Variants in MED13L observed in about 807,000 individuals in gnomAD.
The protein encoded by MED13L is mediator of RNA polymerase II transcription subunit 13-like.
In MED13L, 7 loss-of-function variants were observed where a neutral mutation model predicts 220.9. The observed-to-expected ratio is 0.03, with a 90% CI of 0.02 to 0.06. MED13L has a LOEUF of 0.06. Ranked by LOEUF, MED13L falls within the 10% of genes least tolerant of loss-of-function variation. MED13L has a pLI of 1.00. For synonymous variants in MED13L, 1,011 were observed against 1,015.2 expected (o/e 1.00, Z 0.08); for missense variants, 1,965 against 2,760.5 (o/e 0.71, Z 6.46).
chr12:116,250,764 G>A (rs1366260770), intron 1 of MED13L, among the ~76,000 whole-genome samples: 6 of 131,062 alleles, frequency 4.6e-5, no homozygotes, highest in East Asian at 2.2e-4. Context: ...GTGACAGAGC[G>A]AGACTCCTCC....
At chr12:116,045,378 C>T (rs927155925) in intron 4 of MED13L, among the ~76,000 whole-genome samples, 7 of 152,260 alleles carry the variant, frequency 4.6e-5, no homozygotes. Context: ...ATGCTCAGCT[C>T]CTGTCTGAGC....
chr12:115,972,961 A>C (rs1209556846), intron 25 of MED13L, among the ~76,000 whole-genome samples: 6 of 152,142 alleles, frequency 3.9e-5, no homozygotes, highest in Non-Finnish European at 8.8e-5. Flanking sequence ...ATTCCTATGC[A>C]TCACCCCTGC....
chr12:116,008,178 A>T, intron 10 of MED13L: 1 of 566,354 alleles, frequency 1.8e-6, no homozygotes, highest in East Asian at 2.9e-5. Flanking sequence ...AGTGTACTTA[A>T]ATGGCATAAA....
At position 116,108,272 on chromosome 12, in the gene MED13L, C is replaced by T. The variant is rs191131860; in HGVS notation, c.395+3156G>A. 7.2e-5 allele frequency among the ~76,000 whole-genome samples: 11 copies of T among 151,900 alleles called. No homozygotes were observed. The East Asian group carries it at 1.5e-3, about 21-fold the overall frequency. On this transcript the variant is annotated intron_variant, in intron 3 of 30. Coordinates refer to ENST00000281928, the MANE Select transcript of MED13L (RefSeq NM_015335.5). ...TTGTAAACAGGTTTTTCAAAGACTA[C>T]AACAAATGGTTGTACAGGTATCCAA...
chr12:116,089,217 C>T (rs1240153172), intron 4 of MED13L, among the ~76,000 whole-genome samples: 1 of 152,116 alleles, frequency 6.6e-6, no homozygotes, highest in African/African-American at 2.4e-5. Flanking sequence ...GTAGTGTTCA[C>T]TAAATTCTTT....
chr12:116,185,367 A>G (rs1053587205), intron 2 of MED13L, among the ~76,000 whole-genome samples: 9 of 151,674 alleles, frequency 5.9e-5, no homozygotes, highest in African/African-American at 2.2e-4. Context: ...TTTTTAGTCT[A>G]CATTTCAGAG....
chr12:116,210,551 CTATATATA>C lies in MED13L; in HGVS notation c.310+26909_310+26916del, dbSNP rs3043762. On this transcript the variant is annotated intron_variant, in intron 2 of 30. Transcript: ENST00000281928. ...CCCAAAAGCAACCGCAGAACGTAAC[CTATATATA>C]TATATATATATATATATATATATAT... Among the ~76,000 whole-genome samples the C allele has an allele frequency of 9.3e-3, 1,057 of 113,624 alleles. 15 individuals carry two copies. Among genetic ancestry groups the C allele is most frequent in the African/African-American group, 0.012 (333 of 28,480 alleles). The allele number at this position is 113,624 out of a possible 152,430, so 74.5% of individuals were successfully genotyped here.
At chr12:116,093,538 C>CA (rs1205854013) in intron 4 of MED13L, among the ~76,000 whole-genome samples, 2 of 151,768 alleles carry the variant, frequency 1.3e-5, no homozygotes, top group Non-Finnish European at 2.9e-5. Flanking sequence ...AATTATAGCA[C>CA]AAAAAATCAT....
intron 2 of MED13L, among the ~76,000 whole-genome samples, chr12:116,219,960 C>A (rs12809332): frequency 6.6e-6 from 1 of 152,042 alleles, no homozygotes; most frequent in Non-Finnish European, 1.5e-5. Flanking sequence ...CCATGCCCAG[C>A]TAATTTTTGT....
intron 13 of MED13L, among the ~76,000 whole-genome samples, chr12:116,005,253 G>C (rs1329449475): frequency 6.6e-6 from 1 of 152,144 alleles, no homozygotes; most frequent in African/African-American, 2.4e-5. Context: ...TTTGCCCAAA[G>C]GTACAGAGTT....
At chr12:116,252,394 C>G (rs1263831140) in intron 1 of MED13L, among the ~76,000 whole-genome samples, 1 of 151,934 alleles carries the variant, frequency 6.6e-6, no homozygotes, top group East Asian at 1.9e-4. Context: ...AAAAAATTAG[C>G]CAGGTGTGGT....
intron 4 of MED13L, among the ~76,000 whole-genome samples, chr12:116,045,185 G>A (rs1215894422): frequency 6.6e-6 from 1 of 152,148 alleles, no homozygotes; most frequent in Non-Finnish European, 1.5e-5. Context: ...TCTGGATTCA[G>A]TATAGAATAA....
At chr12:116,097,048 A>G (rs1400400408) in intron 3 of MED13L, among the ~76,000 whole-genome samples, 1 of 152,134 alleles carries the variant, frequency 6.6e-6, no homozygotes, top group Admixed American at 6.6e-5. Flanking sequence ...ATAAAATCAC[A>G]CTTCTGCATA....
intron 23 of MED13L, among the ~76,000 whole-genome samples, chr12:115,977,626 G>A (rs898471219): frequency 3.9e-5 from 6 of 152,206 alleles, no homozygotes; most frequent in Non-Finnish European, 7.4e-5. Context: ...GCCAGGAAAA[G>A]AAATGAAGTA....
chr12:116,031,730 G>GAAAAGAAAAGAAAAGAAAA (rs1448571138), intron 4 of MED13L, among the ~76,000 whole-genome samples: 1 of 65,406 alleles, frequency 1.5e-5, no homozygotes, highest in South Asian at 6.0e-4. Flanking sequence ...GAAAAGAAAA[G>GAAAAGAAAAGAAAAGAAAA]AAAAGAAAAG....
intron 3 of MED13L, among the ~76,000 whole-genome samples, chr12:116,109,769 T>C (rs1307842496): frequency 1.3e-5 from 2 of 152,164 alleles, no homozygotes; most frequent in African/African-American, 4.8e-5. Flanking sequence ...TTAAGAGTAC[T>C]CAACTCTTAA....
intron 1 of MED13L, among the ~76,000 whole-genome samples, chr12:116,241,090 C>T (rs1326818840): frequency 6.6e-6 from 1 of 151,440 alleles, no homozygotes; most frequent in Non-Finnish European, 1.5e-5. Flanking sequence ...GGGCGGATCA[C>T]AAGGTCAAAA....
intron 1 of MED13L, among the ~76,000 whole-genome samples, chr12:116,266,835 C>T (rs552977532): frequency 5.1e-4 from 77 of 152,236 alleles, no homozygotes; most frequent in Non-Finnish European, 1.0e-3. Context: ...CTAATACAAA[C>T]GCTACAGATT....
intron 3 of MED13L, among the ~76,000 whole-genome samples, chr12:116,102,152 A>T (rs977818389): frequency 6.6e-6 from 1 of 152,250 alleles, no homozygotes; most frequent in Non-Finnish European, 1.5e-5. Context: ...GGCTGTGTGT[A>T]TGTGTGTACC....
Sources: gnomAD v4.1 joint callset for allele counts (sites outside exome capture counted in the v4.1 genomes callset) on GRCh38, gnomAD v4.1.1 for gene constraint, MANE v1.5 for transcripts, NCBI Gene and HGNC (gene_info 2026-07-23, HGNC 2026-07-21) for gene names.